Variants in SKAP2 observed in about 807,000 individuals in gnomAD.
SKAP2 encodes src kinase-associated phosphoprotein 2.
Under a neutral mutation model 54.9 loss-of-function variants are expected in SKAP2, and 28 were observed. That is an observed-to-expected ratio of 0.51 (90% CI 0.38 to 0.70). The LOEUF (loss-of-function observed/expected upper bound fraction) is 0.70. SKAP2 is among the 30% of genes least tolerant of loss of function. SKAP2 has a pLI of 0.00. For missense variants in SKAP2, 356 were observed against 424.1 expected (o/e 0.84, Z 1.41); for synonymous variants, 137 against 134.3 (o/e 1.02, Z -0.14).
At chr7:26,794,352 C>G (rs1382416731) in intron 4 of SKAP2, among the ~76,000 whole-genome samples, 1 of 152,166 alleles carries the variant, frequency 6.6e-6, no homozygotes, top group Non-Finnish European at 1.5e-5. Context: ...CCCCGTATGG[C>G]AGATATACCT....
intron 4 of SKAP2, among the ~76,000 whole-genome samples, chr7:26,831,777 T>C (rs957696671): frequency 2.0e-5 from 3 of 152,144 alleles, no homozygotes; most frequent in African/African-American, 4.8e-5. Context: ...TCTTAACTAC[T>C]ATGTTTCATT....
intron 6 of SKAP2, among the ~76,000 whole-genome samples, chr7:26,731,065 C>T (rs544457774): frequency 9.2e-5 from 14 of 152,284 alleles, no homozygotes; most frequent in Admixed American, 5.9e-4. Context: ...AAAGCCAGGA[C>T]CCTAGGAAAG....
chr7:26,727,965 T>C (rs1028635147), intron 6 of SKAP2, among the ~76,000 whole-genome samples: 3 of 152,138 alleles, frequency 2.0e-5, no homozygotes, highest in African/African-American at 7.2e-5. Context: ...GTGTGCTTTC[T>C]CAGTTCAGTG....
chr7:26,740,142 T>C (rs1013920611), intron 4 of SKAP2, among the ~76,000 whole-genome samples, 178 bp from the exon 5 acceptor site: 4 of 94,650 alleles, frequency 4.2e-5, no homozygotes, highest in Admixed American at 1.2e-4. Flanking sequence ...CTCCTAAAAG[T>C]CTCAAAAGTA....
At chr7:26,757,652 T>C (rs1022742161) in intron 4 of SKAP2, among the ~76,000 whole-genome samples, 6 of 152,218 alleles carry the variant, frequency 3.9e-5, no homozygotes, top group Non-Finnish European at 5.9e-5. Flanking sequence ...GACTTGGCAA[T>C]GCGGGCTCTT....
At chr7:26,822,881 T>A (rs1784410123) in intron 4 of SKAP2, among the ~76,000 whole-genome samples, 1 of 146,300 alleles carries the variant, frequency 6.8e-6, no homozygotes, top group Non-Finnish European at 1.5e-5. Context: ...AGACTCCGTC[T>A]CAAAAAAAAA....
chr7:26,779,171 G>T (rs1476776451), intron 4 of SKAP2, among the ~76,000 whole-genome samples: 1 of 151,862 alleles, frequency 6.6e-6, no homozygotes, highest in Non-Finnish European at 1.5e-5. Flanking sequence ...GTCTGATGGG[G>T]GCATCCTGCT....
At chr7:26,696,903 G>A (rs903181184) in intron 9 of SKAP2, among the ~76,000 whole-genome samples, 1 of 152,056 alleles carries the variant, frequency 6.6e-6, no homozygotes, top group Non-Finnish European at 1.5e-5. Flanking sequence ...GCAAGACGCT[G>A]TCTCTAACAA....
chr7:26,852,476 G>T (rs751033336), intron 3 of SKAP2, among the ~76,000 whole-genome samples: 3 of 152,130 alleles, frequency 2.0e-5, no homozygotes, highest in African/African-American at 7.2e-5. Context: ...TTTGTGATTA[G>T]TTAACTCAAT....
At chr7:26,802,984 A>C (rs1056157191) in intron 4 of SKAP2, among the ~76,000 whole-genome samples, 2 of 152,192 alleles carry the variant, frequency 1.3e-5, no homozygotes, top group Non-Finnish European at 2.9e-5. Flanking sequence ...TGGATTAAAG[A>C]CTTAAATCTA....
intron 9 of SKAP2, among the ~76,000 whole-genome samples, chr7:26,690,899 G>A (rs559954619): frequency 2.0e-5 from 3 of 152,088 alleles, no homozygotes; most frequent in Non-Finnish European, 4.4e-5. Context: ...ATTTTTTTGA[G>A]TATCACATAA....
In SKAP2 at chr7:26,721,274, G is replaced by A. The variant is rs1015108639; in HGVS notation, c.796+4154C>T. ...TTCAGGAGGAAAATAAAGCCAAAATGTATTTTGGGGGCCTATAACCACTTA... is the reference window on the plus strand; with the variant it reads ...TTCAGGAGGAAAATAAAGCCAAAATATATTTTGGGGGCCTATAACCACTTA... On this transcript the variant is annotated intron_variant, in intron 9 of 12. Transcript: ENST00000345317. 3.3e-5 allele frequency among the ~76,000 whole-genome samples: 5 copies of A among 152,058 alleles called. No individual in the cohort carries two copies. The South Asian group carries it at 1.0e-3, about 32-fold the overall frequency.
Position 26,749,361 on chromosome 7 carries a change from A to G in SKAP2, c.308-9397T>C, listed in dbSNP as rs550335509. Reference sequence around the variant, plus strand: ...CTCTTTTCTAAATATTACCCAAAATAGAAAACTAGGAAACATAAACTCAAC... The same window carrying G: ...CTCTTTTCTAAATATTACCCAAAATGGAAAACTAGGAAACATAAACTCAAC... On this transcript the variant is annotated intron_variant, in intron 4 of 12. Transcript: ENST00000345317. Among the ~76,000 whole-genome samples, 22 of 152,192 alleles carry G rather than the reference A, an allele frequency of 1.4e-4. 1 individual carries two copies. Among genetic ancestry groups the G allele is most frequent in the Admixed American group, 5.2e-4 (8 of 15,276 alleles).
rs998404789 is a variant in SKAP2 at position 26,775,911 on chromosome 7, G to C, written c.308-35947C>G. Among the ~76,000 whole-genome samples the C allele has an allele frequency of 2.4e-4, 37 of 152,086 alleles. 1 individual carries two copies. Among genetic ancestry groups the C allele is most frequent in the Non-Finnish European group, 5.9e-5 (4 of 68,024 alleles). Reference sequence around the variant, plus strand: ...ACTGGTATTCCAAGGTATGCATATAGCATAGTTTGTTTCTACCTGGCTTTT... The same window carrying C: ...ACTGGTATTCCAAGGTATGCATATACCATAGTTTGTTTCTACCTGGCTTTT... On this transcript the variant is annotated intron_variant, in intron 4 of 12. Coordinates refer to ENST00000345317, the MANE Select transcript of SKAP2 (RefSeq NM_003930.5).
intron 9 of SKAP2, among the ~76,000 whole-genome samples, chr7:26,692,654 A>G (rs1432984632): frequency 6.6e-6 from 1 of 152,340 alleles, no homozygotes; most frequent in East Asian, 1.9e-4. Context: ...AATATATAGA[A>G]GACCTAATAA....
At chr7:26,787,854 A>T (rs1310241219) in intron 4 of SKAP2, among the ~76,000 whole-genome samples, 2 of 151,930 alleles carry the variant, frequency 1.3e-5, no homozygotes, top group African/African-American at 2.4e-5. Context: ...CGGGGATTAC[A>T]TTTCTTTTTC....
chr7:26,814,480 T>G (rs916855157), intron 4 of SKAP2, among the ~76,000 whole-genome samples: 1 of 151,384 alleles, frequency 6.6e-6, no homozygotes, highest in African/African-American at 2.4e-5. Context: ...GTCCAGTTTG[T>G]AGTTAGCAGG....
intron 4 of SKAP2, among the ~76,000 whole-genome samples, chr7:26,799,171 C>T (rs1351043737): frequency 1.3e-5 from 2 of 151,350 alleles, no homozygotes; most frequent in Non-Finnish European, 2.9e-5. Context: ...CACAAAACAA[C>T]CAGAAAATAA....
At chr7:26,716,149 T>A (rs970034912) in intron 9 of SKAP2, among the ~76,000 whole-genome samples, 1 of 152,240 alleles carries the variant, frequency 6.6e-6, no homozygotes, top group Non-Finnish European at 1.5e-5. Context: ...ATCTTTTTGA[T>A]AGATTATTAA....
Sources: gnomAD v4.1 joint callset for allele counts (sites outside exome capture counted in the v4.1 genomes callset) on GRCh38, gnomAD v4.1.1 for gene constraint, MANE v1.5 for transcripts, NCBI Gene and HGNC (gene_info 2026-07-23, HGNC 2026-07-21) for gene names.